Variants in RAPGEF6 observed in about 807,000 individuals in gnomAD.
RAPGEF6 encodes the protein Rap guanine nucleotide exchange factor 6.
RAPGEF6 carries 56 observed loss-of-function variants against 171.4 expected under a neutral mutation model. The ratio of observed to expected loss-of-function variants is 0.33; its 90% CI spans 0.26 to 0.41. RAPGEF6 has a LOEUF of 0.41. Among genes scored for constraint, RAPGEF6 ranks in the 10% least tolerant of loss-of-function variants. The pLI, the probability that RAPGEF6 is intolerant of heterozygous loss-of-function variation, is 1.00. For missense variants in RAPGEF6, 1,674 were observed against 1,921.4 expected, an observed-to-expected ratio of 0.87 and a Z score of 2.41; for synonymous variants, 692 against 650.1, an observed-to-expected ratio of 1.06 and a Z score of -0.98.
intron 11 of RAPGEF6, among the ~76,000 whole-genome samples, chr5:131,499,417 C>CCCCGTCAATTTTG (rs1756862627): frequency 6.6e-6 from 1 of 151,824 alleles, no homozygotes. Flanking sequence ...CCCGTCTCTA[C>CCCCGTCAATTTTG]TAAAAATACA....
chr5:131,603,345 T>G lies in RAPGEF6; in HGVS notation c.141-18A>C. 6.8e-7 allele frequency: 1 copy of G among 1,464,938 alleles called. No homozygotes were observed. Among genetic ancestry groups the G allele is most frequent in the Non-Finnish European group, 9.3e-7 (1 of 1,079,552 alleles). 90.7% of individuals were successfully genotyped at this position (1,464,938 alleles called of 1,614,324 possible). Reference sequence around the variant, plus strand: ...ACATTAATCTATTAAAAAAAAAAATTGAAGATTTTATCTTACATTTTGTTT... The same window carrying G: ...ACATTAATCTATTAAAAAAAAAAATGGAAGATTTTATCTTACATTTTGTTT... On this transcript the variant is annotated intron_variant, in intron 2 of 27. Coordinates refer to ENST00000509018, the MANE Select transcript of RAPGEF6 (RefSeq NM_016340.6).
At chr5:131,488,366 A>T (rs1580904523) in intron 15 of RAPGEF6, among the ~76,000 whole-genome samples, 1 of 152,338 alleles carries the variant, frequency 6.6e-6, no homozygotes, top group East Asian at 1.9e-4. Flanking sequence ...AACCTAGGAA[A>T]TAGTGCTAGA....
Position 131,462,768 on chromosome 5 carries a change from C to T in RAPGEF6, c.2481-680G>A, listed in dbSNP as rs79018835. ...TTGTGCAGGGATGTTACTAAGGAAA[C>T]GAGGTAATGTATCACCTGCTTTTAC... is the stretch of plus-strand genomic sequence containing the variant. On this transcript the variant is annotated intron_variant, in intron 18 of 27. Coordinates refer to ENST00000509018, the MANE Select transcript of RAPGEF6 (RefSeq NM_016340.6). Among the ~76,000 whole-genome samples, 769 of 152,106 alleles carry T rather than the reference C, an allele frequency of 5.1e-3. 4 individuals are homozygous for T. The highest frequency in any genetic ancestry group is 0.017 in the African/African-American group (703 of 41,514).
At chr5:131,527,000 T>C (rs1363676649) in intron 6 of RAPGEF6, among the ~76,000 whole-genome samples, 2 of 152,108 alleles carry the variant, frequency 1.3e-5, no homozygotes, top group Admixed American at 6.5e-5. Flanking sequence ...TAATCAGCAA[T>C]GCCAAGCTAG....
intron 1 of RAPGEF6, among the ~76,000 whole-genome samples, chr5:131,606,055 A>AAAAAAAAAG (rs1764553795): frequency 2.4e-5 from 3 of 126,546 alleles, no homozygotes; most frequent in African/African-American, 1.3e-4. Context: ...AAAAAAAAAG[A>AAAAAAAAAG]AAAAGAAAAG....
intron 3 of RAPGEF6, among the ~76,000 whole-genome samples, chr5:131,594,053 G>A (rs2150005110): frequency 6.6e-6 from 1 of 152,306 alleles, no homozygotes; most frequent in South Asian, 2.1e-4. Flanking sequence ...GCATTTCAGA[G>A]TCTTTCAAGG....
intron 7 of RAPGEF6, among the ~76,000 whole-genome samples, chr5:131,513,430 C>T (rs756195070): frequency 3.3e-5 from 5 of 152,100 alleles, no homozygotes; most frequent in Non-Finnish European, 5.9e-5. Flanking sequence ...AGGTTTTCAT[C>T]CCCTGACCCA....
intron 4 of RAPGEF6, among the ~76,000 whole-genome samples, chr5:131,576,558 A>AC (rs1324953308): frequency 6.6e-6 from 1 of 152,144 alleles, no homozygotes; most frequent in African/African-American, 2.4e-5. Context: ...GGAGTCATTC[A>AC]CCGCAAGGGG....
chr5:131,579,245 C>CACCTTTAA (rs1194164947), intron 4 of RAPGEF6, among the ~76,000 whole-genome samples: 17 of 152,166 alleles, frequency 1.1e-4, no homozygotes, highest in Non-Finnish European at 2.2e-4. Context: ...TGCAGACCTT[C>CACCTTTAA]CCGGTGAGTG....
At chr5:131,610,425 G>C (rs2150023034) in intron 1 of RAPGEF6, among the ~76,000 whole-genome samples, 1 of 152,340 alleles carries the variant, frequency 6.6e-6, no homozygotes, top group East Asian at 1.9e-4. Flanking sequence ...CTGATCCTGA[G>C]CAGTAGGTGG....
At chr5:131,567,937 C>G (rs147685173) in intron 4 of RAPGEF6, among the ~76,000 whole-genome samples, 1 of 152,132 alleles carries the variant, frequency 6.6e-6, no homozygotes, top group Admixed American at 6.5e-5. Context: ...TTTAACACTA[C>G]GAAATTTTGC....
intron 21 of RAPGEF6, among the ~76,000 whole-genome samples, chr5:131,452,547 C>T (rs1753167443): frequency 1.3e-5 from 2 of 150,190 alleles, no homozygotes; most frequent in Admixed American, 1.3e-4. Flanking sequence ...AAATAAAAGA[C>T]ATAGACTAAT....
intron 6 of RAPGEF6, among the ~76,000 whole-genome samples, chr5:131,528,104 TATTA>T (rs574870506): frequency 0.069 from 7,981 of 114,902 alleles, 654 homozygotes; most frequent in African/African-American, 0.21. Flanking sequence ...TAAATTTATA[TATTA>T]TATATCATAT....
At chr5:131,442,586 T>G (rs1200499002) in intron 22 of RAPGEF6, 49 bp from the exon 23 acceptor site, 1 of 1,597,462 alleles carries the variant, frequency 6.3e-7, no homozygotes, top group Admixed American at 1.7e-5. Flanking sequence ...TTAGGCAAGG[T>G]TATCACCACT....
intron 26 of RAPGEF6, among the ~76,000 whole-genome samples, chr5:131,429,895 AAAAAATTAG>A (rs1478886470): frequency 6.6e-6 from 1 of 151,878 alleles, no homozygotes; most frequent in Non-Finnish European, 1.5e-5. Context: ...ACTAAAAATA[AAAAAATTAG>A]CTGGGCATGG....
At chr5:131,571,208 CT>C (rs1400213725) in intron 4 of RAPGEF6, among the ~76,000 whole-genome samples, 1 of 152,200 alleles carries the variant, frequency 6.6e-6, no homozygotes. Context: ...TCCCAAAATG[CT>C]GCGATTACAG....
At position 131,547,977 on chromosome 5, in the gene RAPGEF6, T is replaced by C. The variant is rs1420448861; in HGVS notation, c.495+70A>G. ...CCCAGCATGTTGATATTACCAAAGA[T>C]ACATGTAAATTAAAGATACTAGATA... On this transcript the variant is annotated intron_variant, in intron 6 of 27. Coordinates refer to ENST00000509018, the MANE Select transcript of RAPGEF6 (RefSeq NM_016340.6). The C allele has an allele frequency of 4.6e-6, 7 of 1,514,178 alleles. No individual in the cohort carries two copies. The Admixed American group carries it at 5.6e-5, about 12-fold the overall frequency. The allele number at this position is 1,514,178 out of a possible 1,614,324, so 93.8% of individuals were successfully genotyped here.
intron 4 of RAPGEF6, among the ~76,000 whole-genome samples, chr5:131,581,660 T>C (rs1762968902): frequency 6.6e-6 from 1 of 152,114 alleles, no homozygotes; most frequent in African/African-American, 2.4e-5. Context: ...AAGTTTTCAC[T>C]ACTCTTTTTC....
intron 1 of RAPGEF6, among the ~76,000 whole-genome samples, chr5:131,628,566 C>T (rs1291320938): frequency 6.6e-6 from 1 of 152,088 alleles, no homozygotes; most frequent in Admixed American, 6.6e-5. Context: ...ATGAAGGTGG[C>T]TACACTAAAA....
Sources: allele counts gnomAD v4.1 joint callset (sites outside exome capture counted in the v4.1 genomes callset), GRCh38; gene constraint gnomAD v4.1.1; transcripts MANE v1.5; gene names NCBI Gene and HGNC (gene_info 2026-07-23, HGNC 2026-07-21).